The following PDE4B variants were observed in gnomAD, a reference collection of about 807,000 sequenced individuals.
PDE4B encodes the protein phosphodiesterase 4B.
Under a neutral mutation model 82.2 loss-of-function variants are expected in PDE4B, and 20 were observed. The ratio of observed to expected loss-of-function variants is 0.24; its 90% CI spans 0.17 to 0.35. The LOEUF is 0.35. Ranked by LOEUF, PDE4B falls within the 10% of genes least tolerant of loss-of-function variation. The pLI is 1.00. For synonymous variants in PDE4B, 320 were observed against 318.9 expected (o/e 1.00, Z -0.04); for missense variants, 655 against 907.2 (o/e 0.72, Z 3.57).
At chr1:65,999,287 T>C (rs1196980753) in intron 3 of PDE4B, among the ~76,000 whole-genome samples, 1 of 152,232 alleles carries the variant, frequency 6.6e-6, no homozygotes, top group African/African-American at 2.4e-5. Context: ...TGCAACATTA[T>C]GCTAGAAGCA....
intron 3 of PDE4B, among the ~76,000 whole-genome samples, chr1:66,096,508 T>TA (rs59931848): frequency 2.8e-5 from 3 of 107,328 alleles, no homozygotes; most frequent in Non-Finnish European, 3.7e-5. Context: ...GTAAAAAAAA[T>TA]TATATATATA....
intron 3 of PDE4B, among the ~76,000 whole-genome samples, chr1:65,948,307 C>CAT (rs1427761284): frequency 1.3e-5 from 2 of 151,558 alleles, no homozygotes; most frequent in African/African-American, 2.4e-5. Flanking sequence ...TCTCTAGAAT[C>CAT]ATATATATAT....
intron 8 of PDE4B, among the ~76,000 whole-genome samples, chr1:66,350,663 G>T (rs896870076): frequency 6.6e-6 from 1 of 152,058 alleles, no homozygotes; most frequent in African/African-American, 2.4e-5. Context: ...AAGAGCCTGC[G>T]ATCATTCCAG....
chr1:66,096,543 C>T lies in PDE4B; in HGVS notation c.282-150917C>T, dbSNP rs866247780. On this transcript the variant is annotated intron_variant, in intron 3 of 16. Coordinates refer to ENST00000341517, the MANE Select transcript of PDE4B (RefSeq NM_002600.4). ...ATATATATATATATATATATATATA[C>T]TGCATTTCAAAGGCTTAGTATAAAA... Among the ~76,000 whole-genome samples the T allele has an allele frequency of 3.4e-4, 12 of 35,514 alleles. 1 individual carries two copies. Among genetic ancestry groups the T allele is most frequent in the East Asian group, 1.1e-3 (1 of 916 alleles). The allele number at this position is 35,514 out of a possible 152,430, so 23.3% of individuals were successfully genotyped here.
intron 3 of PDE4B, among the ~76,000 whole-genome samples, chr1:66,149,512 G>T (rs1358012662): frequency 6.6e-6 from 1 of 152,088 alleles, no homozygotes; most frequent in Non-Finnish European, 1.5e-5. Context: ...TCCCTTCTAA[G>T]AAACCATTAC....
chr1:66,225,108 A>T (rs1651333869), intron 3 of PDE4B, among the ~76,000 whole-genome samples: 1 of 152,030 alleles, frequency 6.6e-6, no homozygotes, highest in Non-Finnish European at 1.5e-5. Context: ...CCTCACCTTG[A>T]TCATCAATTT....
chr1:66,194,236 C>T (rs886756053), intron 3 of PDE4B, among the ~76,000 whole-genome samples: 4 of 152,202 alleles, frequency 2.6e-5, no homozygotes, highest in South Asian at 4.1e-4. Context: ...TAGTAACTTA[C>T]CTTTTGCACA....
intron 3 of PDE4B, among the ~76,000 whole-genome samples, chr1:65,945,544 G>T (rs1441282979): frequency 6.6e-6 from 1 of 151,950 alleles, no homozygotes; most frequent in East Asian, 1.9e-4. Context: ...TGGCAGGTTG[G>T]TCTCCTTGAG....
intron 1 of PDE4B, among the ~76,000 whole-genome samples, chr1:65,851,541 T>C (rs1411162966): frequency 6.6e-6 from 1 of 152,072 alleles, no homozygotes; most frequent in Non-Finnish European, 1.5e-5. Flanking sequence ...CAAGTACACA[T>C]ATAAATTGTT....
At position 66,168,028 on chromosome 1, in the gene PDE4B, T is replaced by G. The variant is rs114956997; in HGVS notation, c.282-79432T>G. On this transcript the variant is annotated intron_variant, in intron 3 of 16. Coordinates refer to ENST00000341517, the MANE Select transcript of PDE4B (RefSeq NM_002600.4). ...AATAAAGCCTTTTCCTGTAAGAGAG[T>G]TACCTTGAACATTCACTCTGACCCA... 1.5e-3 allele frequency among the ~76,000 whole-genome samples: 231 copies of G among 152,162 alleles called. 1 individual carries two copies. The highest frequency in any genetic ancestry group is 5.2e-3 in the African/African-American group (216 of 41,512).
In PDE4B at chr1:66,257,690, A is replaced by G. The variant is rs1342975997; in HGVS notation, c.513+7A>G. 6.2e-7 allele frequency: 1 copy of G among 1,613,274 alleles called. No homozygotes were observed. The highest frequency in any genetic ancestry group is 8.5e-7 in the Non-Finnish European group (1 of 1,179,424). On this transcript the variant is annotated splice_region_variant and intron_variant, in intron 5 of 16. Transcript: ENST00000341517. ...TGTAACTCCTTTTGCCCAGGTATGT[A>G]TTATGCTGGCCCTGGCTTGCTTTCA...
At chr1:66,096,792 C>T (rs947252523) in intron 3 of PDE4B, among the ~76,000 whole-genome samples, 2 of 151,634 alleles carry the variant, frequency 1.3e-5, no homozygotes, top group African/African-American at 4.8e-5. Context: ...AAACAATCTC[C>T]TTCCTGCACC....
At chr1:66,057,145 A>G (rs1277489594) in intron 3 of PDE4B, among the ~76,000 whole-genome samples, 1 of 152,214 alleles carries the variant, frequency 6.6e-6, no homozygotes, top group Non-Finnish European at 1.5e-5. Flanking sequence ...AGTTTGGTGC[A>G]CCATGAACTT....
chr1:66,157,458 C>A (rs1028572129), intron 3 of PDE4B, among the ~76,000 whole-genome samples: 1 of 152,160 alleles, frequency 6.6e-6, no homozygotes, highest in Non-Finnish European at 1.5e-5. Flanking sequence ...ACCTTCATGA[C>A]CTGGGCCCTA....
At chr1:65,917,985 G>A (rs977695227) in intron 2 of PDE4B, among the ~76,000 whole-genome samples, 85 of 152,122 alleles carry the variant, frequency 5.6e-4, no homozygotes, top group African/African-American at 1.9e-3. Context: ...CCAACATGGC[G>A]AAACCCCGTC....
chr1:65,940,682 G>A (rs1434131800), intron 3 of PDE4B, among the ~76,000 whole-genome samples: 2 of 152,036 alleles, frequency 1.3e-5, no homozygotes, highest in Non-Finnish European at 2.9e-5. Flanking sequence ...CTTTTTGCTT[G>A]ATTTGCTAGG....
intron 3 of PDE4B, among the ~76,000 whole-genome samples, chr1:65,950,929 GA>G (rs1248247063): frequency 1.3e-5 from 2 of 152,116 alleles, no homozygotes; most frequent in African/African-American, 2.4e-5. Flanking sequence ...TCCTAGGTAA[GA>G]AATACATTTC....
chr1:66,306,975 A>G (rs1658325335), intron 7 of PDE4B, among the ~76,000 whole-genome samples: 1 of 152,160 alleles, frequency 6.6e-6, no homozygotes, highest in Non-Finnish European at 1.5e-5. Context: ...TAACATTTGA[A>G]GGTGCGAAAA....
At chr1:66,288,528 T>C (rs1557680896) in intron 7 of PDE4B, among the ~76,000 whole-genome samples, 1 of 152,174 alleles carries the variant, frequency 6.6e-6, no homozygotes, top group Non-Finnish European at 1.5e-5. Flanking sequence ...ATGCCTTATA[T>C]AGCCTGCTAC....
Sources: gnomAD v4.1 joint callset for allele counts (sites outside exome capture counted in the v4.1 genomes callset) on GRCh38, gnomAD v4.1.1 for gene constraint, MANE v1.5 for transcripts, NCBI Gene and HGNC (gene_info 2026-07-23, HGNC 2026-07-21) for gene names.